ANXA9: variants seen among roughly 807,000 people sequenced by gnomAD.
ANXA9 encodes annexin 31.
In ANXA9, 47 loss-of-function variants were observed where a neutral mutation model predicts 51.8. The ratio of observed to expected loss-of-function variants is 0.91; its 90% CI spans 0.72 to 1.16. ANXA9 has a LOEUF of 1.16. Among genes scored for constraint, ANXA9 ranks in the 50% most tolerant of loss-of-function variants. The pLI, the probability that ANXA9 is intolerant of heterozygous loss-of-function variation, is 0.00. For missense variants in ANXA9, 361 were observed against 424.7 expected (o/e 0.85, Z 1.32); for synonymous variants, 154 against 168.7 (o/e 0.91, Z 0.68).
At position 150,983,139 on chromosome 1, in the gene ANXA9, C is replaced by T. The variant is rs1671454070; in HGVS notation, c.34C>T (p.Leu12Phe). 2 of 1,613,972 alleles carry T rather than the reference C, an allele frequency of 1.2e-6. No individual in the cohort carries two copies. The highest frequency in any genetic ancestry group is 2.2e-5 in the South Asian group (2 of 91,078). Reference protein sequence around the residue: ...SVTGGKMAPSLTQEILSHLGL... With the variant: ...SVTGGKMAPSFTQEILSHLGL... ...GACTGGCGGGAAGATGGCACCGTCC[C>T]TCACCCAGGAGATCCTCAGCCACCT... Residue 12 changes from leucine (L) to phenylalanine (F), a missense_variant, in exon 3 of 14, where the codon CTC becomes TTC. Transcript: ENST00000368947.
chr1:150,992,465 C>A (rs1671729789), intron 12 of ANXA9, among the ~76,000 whole-genome samples: 1 of 152,102 alleles, frequency 6.6e-6, no homozygotes, highest in Admixed American at 6.6e-5. Context: ...AGGAGAATTG[C>A]TTGAACCTGG....
At chr1:150,989,940 C>A (rs1388397640) in intron 12 of ANXA9, among the ~76,000 whole-genome samples, 1 of 152,098 alleles carries the variant, frequency 6.6e-6, no homozygotes, top group East Asian at 1.9e-4. Context: ...ACTATCCCAG[C>A]AGTAGATGAT....
chr1:150,994,735 G>T lies in ANXA9; in HGVS notation c.975+36G>T, dbSNP rs114639878. On this transcript the variant is annotated intron_variant, in intron 13 of 13. Transcript: ENST00000368947. ...GCTACTTCTTAGCCTGGAGCCTCAG[G>T]CCTTCACTCCTCACCTCCACCCTCA... 8.6e-4 allele frequency: 1,392 copies of T among 1,610,696 alleles called. 9 individuals carry two copies. The African/African-American group carries it at 0.017, about 19-fold the overall frequency.
intron 12 of ANXA9, among the ~76,000 whole-genome samples, chr1:150,993,809 A>G (rs768780289): frequency 6.7e-6 from 1 of 149,460 alleles, no homozygotes; most frequent in Non-Finnish European, 1.5e-5. Context: ...TTATTTTTGT[A>G]TTTTTAGTAG....
rs1192693704 is a variant in ANXA9 at position 150,995,586 on chromosome 1, C to A, written c.*264C>A. The A allele has an allele frequency of 5.1e-6, 2 of 395,812 alleles. No individual in the cohort carries two copies. The highest frequency in any genetic ancestry group is 9.0e-6 in the Non-Finnish European group (2 of 221,090). 24.5% of individuals were successfully genotyped at this position (395,812 alleles called of 1,614,324 possible). ...ATAGTTTCTGCCTCACTCATCCCTC[C>A]TGTACCCTGGCCAGAACATCTCACT... On this transcript the variant is annotated 3_prime_UTR_variant, in exon 14 of 14. Coordinates refer to ENST00000368947, the MANE Select transcript of ANXA9 (RefSeq NM_003568.3).
intron 12 of ANXA9, among the ~76,000 whole-genome samples, chr1:150,992,841 G>A (rs1227408906): frequency 6.6e-6 from 1 of 152,138 alleles, no homozygotes; most frequent in Non-Finnish European, 1.5e-5. Context: ...CAGTTAATGA[G>A]TGACTCTTGC....
upstream of ANXA9, among the ~76,000 whole-genome samples, chr1:150,980,859 A>G (rs1442385127): frequency 2.0e-5 from 3 of 151,408 alleles, no homozygotes; most frequent in South Asian, 2.1e-4. Flanking sequence ...GATTACAGGC[A>G]TGAGCCACCG....
At chr1:150,984,249 C>T (rs749264529) in intron 5 of ANXA9, 32 bp from the exon 6 acceptor site, 29 of 1,592,894 alleles carry the variant, frequency 1.8e-5, no homozygotes, top group Non-Finnish European at 1.8e-5. Context: ...CCCTCACCCC[C>T]GTCCCTCTGC....
At position 150,984,464 on chromosome 1, in the gene ANXA9, C is replaced by T. The variant is rs1348810986; in HGVS notation, c.381+70C>T. 23 of 1,559,428 alleles carry T rather than the reference C, an allele frequency of 1.5e-5. No individual in the cohort carries two copies. The Admixed American group carries it at 2.5e-4, about 17-fold the overall frequency. On this transcript the variant is annotated intron_variant, in intron 6 of 13. Transcript: ENST00000368947. The stretch of plus-strand genomic sequence containing the variant: ...GGCTGTCAGCCTTGCTTTTGCAAGA[C>T]GAGAGTCCCCCTCTCGTCGTCCCAT...
intron 7 of ANXA9, 21 bp downstream of exon 7, chr1:150,984,697 G>T (rs745436515): frequency 6.2e-7 from 1 of 1,603,496 alleles, no homozygotes; most frequent in Admixed American, 1.7e-5. Flanking sequence ...AGAGGGAGGG[G>T]TCCCAGATGC....
intron 9 of ANXA9, among the ~76,000 whole-genome samples, chr1:150,987,273 T>A (rs1460880810): frequency 6.6e-6 from 1 of 151,784 alleles, no homozygotes; most frequent in Non-Finnish European, 1.5e-5. Flanking sequence ...GGAGGATCGC[T>A]TGAGCCTGGG....
At position 150,984,317 on chromosome 1, in the gene ANXA9, A is replaced by T; in HGVS notation, c.304A>T (p.Asn102Tyr). 1 of 1,614,164 alleles carries T rather than the reference A, an allele frequency of 6.2e-7. No individual in the cohort carries two copies. The highest frequency in any genetic ancestry group is 8.5e-7 in the Non-Finnish European group (1 of 1,180,032). ...MKSLQAALSG[N>Y]LERIVMALLQ... ...GTCTCTACAGGCAGCACTTTCCGGC[A>T]ACCTGGAGAGGATTGTGATGGCTCT... The change falls in exon 6 of 14, where the codon AAC becomes TAC. Residue 102 changes from asparagine to tyrosine, a missense_variant. Transcript: ENST00000368947.
In ANXA9 at chr1:150,995,370, G is replaced by A. The variant is rs765928855; in HGVS notation, c.*48G>A. The A allele has an allele frequency of 1.6e-5, 25 of 1,557,584 alleles. No homozygotes were observed. The South Asian group carries it at 1.8e-4, about 11-fold the overall frequency. On this transcript the variant is annotated 3_prime_UTR_variant, in exon 14 of 14. Coordinates refer to ENST00000368947, the MANE Select transcript of ANXA9 (RefSeq NM_003568.3). ...TGACATCCGAGGATCTGAGATTTCC[G>A]TGTTTGGCTGAACCTGGGAGACCAG...
chr1:150,988,457 C>G (rs1671621583), intron 12 of ANXA9, 116 bp downstream of exon 12: 1 of 1,260,898 alleles, frequency 7.9e-7, no homozygotes, highest in Non-Finnish European at 1.1e-6. Context: ...AAGCCGCTCT[C>G]CTTCCCAGGG....
upstream of ANXA9, among the ~76,000 whole-genome samples, chr1:150,980,723 G>A (rs587681231): frequency 1.3e-5 from 2 of 151,610 alleles, no homozygotes; most frequent in South Asian, 2.1e-4. Context: ...GGGATTACAG[G>A]CATGCGCCGC....
chr1:150,987,329 C>A (rs1406012094), intron 9 of ANXA9, among the ~76,000 whole-genome samples: 2 of 151,560 alleles, frequency 1.3e-5, no homozygotes, highest in Non-Finnish European at 2.9e-5. Context: ...GCACTCCAGC[C>A]TGGGTGACAG....
At chr1:150,994,443 A>C in intron 12 of ANXA9, 134 bp from the exon 13 acceptor site, 2 of 1,346,322 alleles carry the variant, frequency 1.5e-6, no homozygotes, top group Non-Finnish European at 1.0e-6. Context: ...GTCCCGAGAT[A>C]ATGTATAATG....
chr1:150,995,343 C>T lies in ANXA9; in HGVS notation c.*21C>T. 3 of 1,586,902 alleles carry T rather than the reference C, an allele frequency of 1.9e-6. No homozygotes were observed. The highest frequency in any genetic ancestry group is 2.3e-5 in the South Asian group (2 of 87,238). On this transcript the variant is annotated 3_prime_UTR_variant, in exon 14 of 14. Transcript: ENST00000368947. The stretch of plus-strand genomic sequence containing the variant: ...TGTGAGACTTCCCTGCCCCACCCCA[C>T]ATGACATCCGAGGATCTGAGATTTC...
In ANXA9 at chr1:150,995,427, A is replaced by G. The variant is rs909794525; in HGVS notation, c.*105A>G. 5 of 963,986 alleles carry G rather than the reference A, an allele frequency of 5.2e-6. No homozygotes were observed. In the African/African-American group the frequency reaches 8.4e-5, roughly 16 times the overall value. The allele number at this position is 963,986 out of a possible 1,614,324, so 59.7% of individuals were successfully genotyped here. On this transcript the variant is annotated 3_prime_UTR_variant, in exon 14 of 14. Transcript: ENST00000368947. The stretch of plus-strand genomic sequence containing the variant: ...CTCCAAGTAGGATAACCCCTCACTG[A>G]GCACCACATTCTCTAGCTTCTTGTT...
Sources: gnomAD v4.1 joint callset for allele counts (sites outside exome capture counted in the v4.1 genomes callset) on GRCh38, gnomAD v4.1.1 for gene constraint, MANE v1.5 for transcripts, NCBI Gene and HGNC (gene_info 2026-07-23, HGNC 2026-07-21) for gene names.